RAPGEF5: variants seen among roughly 807,000 people sequenced by gnomAD.
RAPGEF5 encodes Rap guanine nucleotide exchange factor 5, also known as M-Ras-regulated GEF.
A neutral mutation model predicts 125.2 loss-of-function variants in RAPGEF5; 65 were observed. The ratio of observed to expected loss-of-function variants is 0.52; its 90% CI spans 0.43 to 0.64. The LOEUF is 0.64. Among genes scored for constraint, RAPGEF5 ranks in the 30% least tolerant of loss-of-function variants. The probability of loss-of-function intolerance (pLI) is 0.00; values close to 1 mark genes in which losing one functional copy is unlikely to be tolerated. For synonymous variants in RAPGEF5, 391 were observed against 385.9 expected (o/e 1.01, Z -0.16); for missense variants, 958 against 1,048.1 (o/e 0.91, Z 1.19).
At chr7:22,132,544 A>T (rs569302017) in intron 23 of RAPGEF5, among the ~76,000 whole-genome samples, 1 of 152,364 alleles carries the variant, frequency 6.6e-6, no homozygotes, top group East Asian at 1.9e-4. Flanking sequence ...AGAAAAGAGA[A>T]GTCAACACAG....
intron 6 of RAPGEF5, among the ~76,000 whole-genome samples, chr7:22,287,712 C>T (rs1470709322): frequency 1.3e-5 from 2 of 152,166 alleles, no homozygotes; most frequent in Admixed American, 6.5e-5. Flanking sequence ...TTTCTGCACA[C>T]ACTATCACCT....
rs763097729 is a variant in RAPGEF5, at chr7:22,122,533, AG to A, written c.2537-13del. 6.3e-7 allele frequency: 1 copy of A among 1,590,852 alleles called. No individual in the cohort carries two copies. The highest frequency in any genetic ancestry group is 1.1e-5 in the South Asian group (1 of 90,512). The stretch of plus-strand genomic sequence containing the variant: ...TGGAGACAGGTCACCTGTTGTTTAG[AG>A]GGGGAAAAAAGACAATCTCAGGAGA... On this transcript the variant is annotated splice_polypyrimidine_tract_variant and intron_variant, in intron 25 of 25. Coordinates refer to ENST00000665637, the MANE Select transcript of RAPGEF5 (RefSeq NM_012294.5).
At chr7:22,337,235 G>C (rs1271665928) in intron 1 of RAPGEF5, among the ~76,000 whole-genome samples, 1 of 152,172 alleles carries the variant, frequency 6.6e-6, no homozygotes, top group Non-Finnish European at 1.5e-5. Flanking sequence ...GGATGTAATC[G>C]CAATCATAGA....
At chr7:22,131,546 A>T (rs1782914571) in intron 23 of RAPGEF5, among the ~76,000 whole-genome samples, 1 of 152,200 alleles carries the variant, frequency 6.6e-6, no homozygotes, top group Non-Finnish European at 1.5e-5. Context: ...ACTTAAAACA[A>T]CTAGTTAAGA....
intron 7 of RAPGEF5, among the ~76,000 whole-genome samples, chr7:22,238,536 G>A (rs780399951): frequency 1.5e-4 from 23 of 152,148 alleles, no homozygotes; most frequent in Non-Finnish European, 1.5e-4. Flanking sequence ...GGCTGGTGGC[G>A]TTGCCTTGTT....
At chr7:22,224,697 T>A (rs1205347798) in intron 8 of RAPGEF5, among the ~76,000 whole-genome samples, 1 of 152,120 alleles carries the variant, frequency 6.6e-6, no homozygotes, top group Non-Finnish European at 1.5e-5. Context: ...TAGCTATAAC[T>A]AACCCGTCAC....
intron 6 of RAPGEF5, among the ~76,000 whole-genome samples, chr7:22,288,635 G>T (rs1782856266): frequency 1.3e-5 from 2 of 149,978 alleles, no homozygotes. Context: ...CCATTCTCCT[G>T]CCTCAGCCTC....
chr7:22,228,479 G>A (rs930043260), intron 8 of RAPGEF5, among the ~76,000 whole-genome samples: 11 of 151,986 alleles, frequency 7.2e-5, no homozygotes, highest in Non-Finnish European at 1.3e-4. Flanking sequence ...GAGCACAAGA[G>A]AGTTAACTTG....
At position 22,167,088 on chromosome 7, in the gene RAPGEF5, C is replaced by T. The variant is rs1583437599; in HGVS notation, c.1265G>A (p.Cys422Tyr). 1 of 1,612,636 alleles carries T rather than the reference C, an allele frequency of 6.2e-7. No individual in the cohort carries two copies. Among genetic ancestry groups the T allele is most frequent in the Non-Finnish European group, 8.5e-7 (1 of 1,179,176 alleles). The change falls in exon 12 of 26, where the codon TGC becomes TAC. Residue 422 changes from cysteine to tyrosine, a missense_variant. Cys to Tyr is a radical substitution (Grantham distance 194). Coordinates refer to ENST00000665637, the MANE Select transcript of RAPGEF5 (RefSeq NM_012294.5). ...AGGATATTGCCTTAACAGAGCCTGG[C>T]ACAAGTCATCAGTTGTCATGAAGAC... ...YTVFMTTDDL[C>Y]QALLRHYSAK...
intron 7 of RAPGEF5, among the ~76,000 whole-genome samples, chr7:22,258,173 T>C (rs1352625751): frequency 1.3e-5 from 2 of 152,176 alleles, no homozygotes; most frequent in African/African-American, 4.8e-5. Flanking sequence ...TAGATACAGA[T>C]AAACTGATTC....
At chr7:22,150,097 TGA>T (rs1301410187) in intron 18 of RAPGEF5, among the ~76,000 whole-genome samples, 3 of 65,756 alleles carry the variant, frequency 4.6e-5, no homozygotes, top group East Asian at 5.3e-4. Flanking sequence ...TTTTTTTTTT[TGA>T]GACAAGGTCC....
chr7:22,334,073 A>G (rs1783979948), intron 1 of RAPGEF5, among the ~76,000 whole-genome samples: 3 of 152,182 alleles, frequency 2.0e-5, no homozygotes, highest in South Asian at 2.1e-4. Context: ...ATAAAACTAC[A>G]TTTCACCTGC....
chr7:22,254,407 G>C (rs373080906), intron 7 of RAPGEF5, among the ~76,000 whole-genome samples: 3 of 151,580 alleles, frequency 2.0e-5, no homozygotes, highest in East Asian at 3.9e-4. Context: ...TGGGATGTTT[G>C]AGACCAGCCT....
intron 11 of RAPGEF5, among the ~76,000 whole-genome samples, chr7:22,182,912 C>A (rs17709885): frequency 0.12 from 17,498 of 152,120 alleles, 1,050 homozygotes; most frequent in African/African-American, 0.14. Context: ...TAGATGTAAG[C>A]CAATATCTTA....
At chr7:22,221,280 C>T (rs1467524057) in intron 8 of RAPGEF5, among the ~76,000 whole-genome samples, 1 of 152,076 alleles carries the variant, frequency 6.6e-6, no homozygotes, top group Non-Finnish European at 1.5e-5. Flanking sequence ...TGTTGGATAG[C>T]CAGGATTGTT....
chr7:22,279,896 G>A (rs1223204338), intron 6 of RAPGEF5, among the ~76,000 whole-genome samples: 1 of 152,192 alleles, frequency 6.6e-6, no homozygotes, highest in Non-Finnish European at 1.5e-5. Context: ...CATGGAGGCA[G>A]AGAAAGAGAA....
At chr7:22,223,079 T>C (rs751914602) in intron 8 of RAPGEF5, among the ~76,000 whole-genome samples, 1 of 152,102 alleles carries the variant, frequency 6.6e-6, no homozygotes, top group Non-Finnish European at 1.5e-5. Context: ...AGGCTGAAGA[T>C]ATGAATTCCA....
chr7:22,284,464 C>T (rs1297087578), intron 6 of RAPGEF5, among the ~76,000 whole-genome samples: 2 of 152,138 alleles, frequency 1.3e-5, no homozygotes, highest in Admixed American at 1.3e-4. Context: ...TTCCTTAATG[C>T]CCCTTGGAAC....
chr7:22,342,163 C>T (rs1394113903), intron 1 of RAPGEF5, among the ~76,000 whole-genome samples: 7 of 152,234 alleles, frequency 4.6e-5, no homozygotes, highest in East Asian at 1.9e-4. Flanking sequence ...CTCAACACAA[C>T]GTGGAAGTTG....
Sources: gnomAD v4.1 joint callset for allele counts (sites outside exome capture counted in the v4.1 genomes callset) on GRCh38, gnomAD v4.1.1 for gene constraint, MANE v1.5 for transcripts, NCBI Gene and HGNC (gene_info 2026-07-23, HGNC 2026-07-21) for gene names.